Variants in COL4A4 observed in about 807,000 individuals in gnomAD.
COL4A4 encodes the protein collagen type IV alpha 4 chain.
COL4A4 carries 105 observed loss-of-function variants against 192.9 expected under a neutral mutation model. The observed-to-expected ratio is 0.54, with a 90% CI of 0.46 to 0.64. The LOEUF (loss-of-function observed/expected upper bound fraction) is 0.64. Among genes scored for constraint, COL4A4 ranks in the 30% least tolerant of loss-of-function variants. The probability of loss-of-function intolerance (pLI) is 0.00; values close to 1 mark genes in which losing one functional copy is unlikely to be tolerated. For missense variants in COL4A4, 1,967 were observed against 2,169.3 expected (o/e 0.91, Z 1.85); for synonymous variants, 762 against 769.9 (o/e 0.99, Z 0.17).
Position 227,057,594 on chromosome 2 carries a change from G to C in COL4A4, c.2390C>G (p.Ala797Gly). 2 of 1,614,144 alleles carry C rather than the reference G, an allele frequency of 1.2e-6. No individual in the cohort carries two copies. The highest frequency in any genetic ancestry group is 1.1e-5 in the South Asian group (1 of 91,060). The change falls in exon 29 of 48, where the codon GCT becomes GGT. Residue 797 changes from alanine to glycine, a missense_variant. By Grantham distance (60) the Ala-to-Gly change is moderately conservative. Transcript: ENST00000396625. Reference sequence around the variant, plus strand: ...GAGACCTAGGAATCCAGGAATGCCAGCTGGCCCTGAAATGATACAATACAT... The same window carrying C: ...GAGACCTAGGAATCCAGGAATGCCACCTGGCCCTGAAATGATACAATACAT... ...DPGCPGAEGP[A>G]GIPGFLGLKG...
intron 44 of COL4A4, among the ~76,000 whole-genome samples, chr2:227,014,094 C>T (rs535120344): frequency 6.6e-6 from 1 of 152,174 alleles, no homozygotes; most frequent in Non-Finnish European, 1.5e-5. Context: ...CCCGACTGTG[C>T]GTCCACAAGT....
intron 44 of COL4A4, among the ~76,000 whole-genome samples, chr2:227,018,120 C>G (rs987364565): frequency 2.6e-5 from 4 of 152,166 alleles, no homozygotes; most frequent in Admixed American, 6.5e-5. Context: ...TAAGCCCAAC[C>G]TTTCCTTAAG....
intron 24 of COL4A4, among the ~76,000 whole-genome samples, chr2:227,079,919 T>C (rs1027084266): frequency 6.6e-6 from 1 of 152,200 alleles, no homozygotes; most frequent in Non-Finnish European, 1.5e-5. Flanking sequence ...TACCTACACA[T>C]GGTATCCACC....
intron 20 of COL4A4, among the ~76,000 whole-genome samples, chr2:227,091,307 G>T (rs1015952863): frequency 1.4e-5 from 2 of 139,406 alleles, no homozygotes; most frequent in African/African-American, 2.7e-5. Flanking sequence ...GATATAAATA[G>T]ATCATGAGAG....
chr2:227,049,733 A>G (rs10201538), intron 34 of COL4A4, among the ~76,000 whole-genome samples: 78,524 of 151,672 alleles, frequency 0.52, 20,477 homozygotes, highest in South Asian at 0.63. Flanking sequence ...TCTAAGCCAA[A>G]GTGGGCACGG....
chr2:227,115,963 T>C (rs112463463), intron 7 of COL4A4, among the ~76,000 whole-genome samples: 5,280 of 152,278 alleles, frequency 0.035, 304 homozygotes, highest in African/African-American at 0.12. Flanking sequence ...ATAACAGATG[T>C]GAATTGTGAT....
chr2:227,065,751 T>C (rs2058291671), intron 25 of COL4A4, among the ~76,000 whole-genome samples: 1 of 151,996 alleles, frequency 6.6e-6, no homozygotes, highest in African/African-American at 2.4e-5. Flanking sequence ...AGACCAAAAG[T>C]AGATAAAACC....
At chr2:226,997,964 AT>A (rs1385248618), downstream of COL4A4, 2 of 152,228 alleles carry the variant, frequency 1.3e-5, no homozygotes, top group Non-Finnish European at 2.9e-5. Flanking sequence ...CTGGAATTGG[AT>A]TGAGAAAGAC....
chr2:227,033,603 G>A (rs189946778), intron 37 of COL4A4, 122 bp from the exon 38 acceptor site: 15 of 777,120 alleles, frequency 1.9e-5, no homozygotes, highest in Admixed American at 1.6e-4. Flanking sequence ...AGCTCTGAGC[G>A]TCTGGACTTC....
the COL4A4 span, among the ~76,000 whole-genome samples, chr2:226,977,399 C>T: frequency 1.3e-5 from 2 of 152,134 alleles, no homozygotes; most frequent in Admixed American, 6.6e-5. Flanking sequence ...GAGAATGTTA[C>T]GTCTTCAGAT....
At chr2:227,080,595 G>A (rs1235366763) in intron 23 of COL4A4, 46 bp from the exon 24 acceptor site, 2 of 1,529,140 alleles carry the variant, frequency 1.3e-6, no homozygotes, top group African/African-American at 1.4e-5. Flanking sequence ...TCAGCAGAGG[G>A]TAAAGTAGGA....
the COL4A4 span, among the ~76,000 whole-genome samples, chr2:226,986,144 G>A: frequency 3.0e-4 from 46 of 152,278 alleles, no homozygotes; most frequent in East Asian, 3.1e-3. Flanking sequence ...AATTCTTCAC[G>A]ATATCTGTCT....
At position 227,144,571 on chromosome 2, in the gene COL4A4, A is replaced by G. The variant is rs2125348629; in HGVS notation, c.72-13T>C. 1 of 1,582,668 alleles carries G rather than the reference A, an allele frequency of 6.3e-7. No individual in the cohort carries two copies. Among genetic ancestry groups the G allele is most frequent in the Admixed American group, 1.7e-5 (1 of 59,922 alleles). ...GAGTATAAGTGACCTACAGAAAAAC[A>G]AAAACGCAGATTAATTTAAACAGTT... On this transcript the variant is annotated splice_polypyrimidine_tract_variant and intron_variant, in intron 2 of 47. Coordinates refer to ENST00000396625, the MANE Select transcript of COL4A4 (RefSeq NM_000092.5).
At chr2:227,034,353 G>A (rs1037778871) in intron 37 of COL4A4, among the ~76,000 whole-genome samples, 4 of 152,162 alleles carry the variant, frequency 2.6e-5, no homozygotes, top group African/African-American at 9.7e-5. Flanking sequence ...GTTGGAGGAG[G>A]AGAGGCAAGG....
At chr2:227,094,437 T>C in intron 19 of COL4A4, 148 bp from the exon 20 acceptor site, 1 of 719,120 alleles carries the variant, frequency 1.4e-6, no homozygotes, top group Non-Finnish European at 2.4e-6. Flanking sequence ...CTAAGTGAAA[T>C]AAGCCAGACA....
intron 28 of COL4A4, among the ~76,000 whole-genome samples, chr2:227,059,008 T>C (rs929855045): frequency 1.3e-5 from 2 of 152,168 alleles, no homozygotes; most frequent in Non-Finnish European, 2.9e-5. Context: ...GGCTCTCCCA[T>C]AGAGTGTTCC....
At chr2:227,056,786 T>C (rs946856122) in intron 29 of COL4A4, among the ~76,000 whole-genome samples, 6 of 152,178 alleles carry the variant, frequency 3.9e-5, no homozygotes, top group African/African-American at 1.2e-4. Context: ...ATAAGATTGG[T>C]GACCTTATTA....
chr2:227,081,983 AT>A (rs1363236838), intron 23 of COL4A4, 131 bp downstream of exon 23: 9 of 839,398 alleles, frequency 1.1e-5, no homozygotes, highest in East Asian at 7.3e-5. Flanking sequence ...GGCAGGAAGT[AT>A]TTTTTTAAGT....
downstream of COL4A4, chr2:226,998,724 A>G (rs1346587275): frequency 6.6e-6 from 1 of 152,218 alleles, no homozygotes; most frequent in Non-Finnish European, 1.5e-5. Context: ...TTAGTCTTCC[A>G]AAATTCACTT....
Sources: allele counts gnomAD v4.1 joint callset (sites outside exome capture counted in the v4.1 genomes callset), GRCh38; gene constraint gnomAD v4.1.1; transcripts MANE v1.5; gene names NCBI Gene and HGNC (gene_info 2026-07-23, HGNC 2026-07-21).